The following WNT3 variants were observed in gnomAD, a reference collection of about 807,000 sequenced individuals.
WNT3 encodes the protein Wnt family member 3.
WNT3 carries 7 observed loss-of-function variants against 34.2 expected under a neutral mutation model. The observed-to-expected ratio is 0.20, with a 90% confidence interval of 0.12 to 0.38. WNT3 has a LOEUF of 0.38. Among genes scored for constraint, WNT3 ranks in the 10% least tolerant of loss-of-function variants. The pLI, the probability that WNT3 is intolerant of heterozygous loss-of-function variation, is 1.00. For synonymous variants in WNT3, 212 were observed against 211.5 expected (o/e 1.00, Z -0.02); for missense variants, 267 against 499.8 (o/e 0.53, Z 4.44).
chr17:46,769,092 G>A (rs999347004), intron 3 of WNT3, among the ~76,000 whole-genome samples: 85 of 152,318 alleles, frequency 5.6e-4, no homozygotes, highest in Middle Eastern at 3.4e-3. Flanking sequence ...TGAGGCGGGA[G>A]GATCACCTGA....
rs769876252 is a variant in WNT3 at position 46,818,568 on chromosome 17, G to A, written c.30C>T (p.Leu10=). 7 of 1,607,882 alleles carry A rather than the reference G, an allele frequency of 4.4e-6. No homozygotes were observed. Among genetic ancestry groups the A allele is most frequent in the Non-Finnish European group, 5.9e-6 (7 of 1,177,956 alleles). ...CCCTGGTGCCACCGAGCAGGAGGCC[G>A]AGGAGCAGCCCGAGCAGGTGGGGCT... The part of the protein sequence containing the change: MEPHLLGLL[L]GLLLGGTRVL... Residue 10 remains leucine (L), a synonymous_variant, in exon 1 of 5, where the codon CTC becomes CTT. Coordinates refer to ENST00000225512, the MANE Select transcript of WNT3 (RefSeq NM_030753.5).
intron 4 of WNT3, among the ~76,000 whole-genome samples, chr17:46,765,305 CACTCG>C (rs541254264): frequency 1.6e-3 from 246 of 152,346 alleles, no homozygotes; most frequent in African/African-American, 5.7e-3. Flanking sequence ...GCAGCCAGGC[CACTCG>C]ACTCTTGCCA....
chr17:46,778,997 C>T (rs888285023), intron 1 of WNT3, among the ~76,000 whole-genome samples: 4 of 149,114 alleles, frequency 2.7e-5, no homozygotes, highest in African/African-American at 1.0e-4. Context: ...GTCTCAGTCT[C>T]CAAGAAGAGA....
In WNT3 at chr17:46,775,252, A is replaced by G. The variant is rs564073603; in HGVS notation, c.81-1343T>C. Reference sequence around the variant, plus strand: ...CTCCTGGACTAGGAAACTGAGGTTTAGAGAGTGAATTAGCTTGCCTACGGC... The same window carrying G: ...CTCCTGGACTAGGAAACTGAGGTTTGGAGAGTGAATTAGCTTGCCTACGGC... On this transcript the variant is annotated intron_variant, in intron 1 of 4. Transcript: ENST00000225512. Among the ~76,000 whole-genome samples the G allele has an allele frequency of 3.3e-5, 5 of 152,366 alleles. No homozygotes were observed. In the South Asian group the frequency reaches 6.2e-4, roughly 19 times the overall value.
rs1473345603 is a variant in WNT3, at chr17:46,770,536, C to A, written c.323-488G>T. The stretch of plus-strand genomic sequence containing the variant: ...CCTGCCCAGGCCCACCCCTTCCGCA[C>A]GTGGATGCATAGGGACGGCCCCTCT... On this transcript the variant is annotated intron_variant, in intron 2 of 4. Transcript: ENST00000225512. 3.3e-5 allele frequency among the ~76,000 whole-genome samples: 5 copies of A among 152,136 alleles called. No homozygotes were observed. In the East Asian group the frequency reaches 9.7e-4, roughly 29 times the overall value.
intron 1 of WNT3, among the ~76,000 whole-genome samples, chr17:46,777,472 G>T (rs187469628): frequency 3.9e-4 from 59 of 152,350 alleles, no homozygotes; most frequent in African/African-American, 1.3e-3. Context: ...CTGCCTGCAT[G>T]GCTTGATTGG....
chr17:46,773,910 C>T lies in WNT3; in HGVS notation c.81-1G>A. On this transcript the variant is annotated splice_acceptor_variant, in intron 1 of 4. Transcript: ENST00000225512. LOFTEE classifies it high-confidence loss of function. ...GTACTGCTGGCCCAGGGCCAGGGAC[C>T]TGCAGGCAGACAGAGGGTAGTAACA... is the stretch of plus-strand genomic sequence containing the variant. 2 of 1,611,322 alleles carry T rather than the reference C, an allele frequency of 1.2e-6. No homozygotes were observed. Among genetic ancestry groups the T allele is most frequent in the Non-Finnish European group, 1.7e-6 (2 of 1,179,800 alleles).
chr17:46,772,365 C>A (rs1443379233), intron 2 of WNT3, among the ~76,000 whole-genome samples: 2 of 152,352 alleles, frequency 1.3e-5, no homozygotes, highest in East Asian at 1.9e-4. Context: ...GGTAGCGCTC[C>A]CAGAGCCGCT....
chr17:46,793,007 G>A (rs1248266327), intron 1 of WNT3, among the ~76,000 whole-genome samples: 2 of 151,776 alleles, frequency 1.3e-5, no homozygotes, highest in East Asian at 1.9e-4. Flanking sequence ...GCTCACACCT[G>A]TAAACCCGGC....
At chr17:46,806,320 C>T (rs2084196327) in intron 1 of WNT3, among the ~76,000 whole-genome samples, 1 of 144,694 alleles carries the variant, frequency 6.9e-6, no homozygotes, top group Non-Finnish European at 1.5e-5. Context: ...AGCGATTCTC[C>T]TTTCTCAGCC....
At chr17:46,806,004 A>G (rs1184989768) in intron 1 of WNT3, among the ~76,000 whole-genome samples, 49 of 152,142 alleles carry the variant, frequency 3.2e-4, no homozygotes, top group Non-Finnish European at 8.8e-5. Flanking sequence ...TGGGGATAAC[A>G]AGAGTCTCTG....
At chr17:46,807,246 G>A (rs1236984799) in intron 1 of WNT3, among the ~76,000 whole-genome samples, 1 of 152,248 alleles carries the variant, frequency 6.6e-6, no homozygotes, top group African/African-American at 2.4e-5. Flanking sequence ...ACTTTGGGAG[G>A]CCGAGGCAGG....
chr17:46,814,030 G>A (rs528472041), intron 1 of WNT3, among the ~76,000 whole-genome samples: 1 of 152,308 alleles, frequency 6.6e-6, no homozygotes, highest in East Asian at 1.9e-4. Context: ...TAAAGGACTT[G>A]GCACCAAAGT....
chr17:46,800,017 T>G (rs1006736312), intron 1 of WNT3, among the ~76,000 whole-genome samples: 1 of 151,810 alleles, frequency 6.6e-6, no homozygotes, highest in African/African-American at 2.4e-5. Context: ...GTGAGGGGAG[T>G]GCTGTCCCAG....
intron 4 of WNT3, among the ~76,000 whole-genome samples, chr17:46,765,494 G>A (rs957222973): frequency 2.6e-5 from 4 of 152,244 alleles, no homozygotes; most frequent in African/African-American, 9.6e-5. Flanking sequence ...TTTGACAGGC[G>A]CTCTCTCCTC....
intron 1 of WNT3, among the ~76,000 whole-genome samples, chr17:46,795,593 G>A (rs1326098207): frequency 6.6e-6 from 1 of 152,210 alleles, no homozygotes; most frequent in African/African-American, 2.4e-5. Context: ...AGCAACCACA[G>A]GTGTCCAGCC....
intron 1 of WNT3, among the ~76,000 whole-genome samples, chr17:46,811,110 G>T (rs1172551772): frequency 6.6e-6 from 1 of 152,058 alleles, no homozygotes; most frequent in East Asian, 1.9e-4. Flanking sequence ...GGCTGTACAG[G>T]CCAGGCTGCA....
At chr17:46,772,672 AG>A (rs1317308797) in intron 2 of WNT3, among the ~76,000 whole-genome samples, 1 of 152,244 alleles carries the variant, frequency 6.6e-6, no homozygotes, top group Non-Finnish European at 1.5e-5. Context: ...CCATGACAAT[AG>A]CCAGCACTTT....
rs537728145 is a variant in WNT3 at position 46,816,880 on chromosome 17, G to C, written c.80+1638C>G. Among the ~76,000 whole-genome samples, 3 of 152,330 alleles carry C rather than the reference G, an allele frequency of 2.0e-5. No individual in the cohort carries two copies. In the East Asian group the frequency reaches 5.8e-4, roughly 29 times the overall value. On this transcript the variant is annotated intron_variant, in intron 1 of 4. Coordinates refer to ENST00000225512, the MANE Select transcript of WNT3 (RefSeq NM_030753.5). ...GGCCCGGGAATGGGAAGAGGGTCAG[G>C]AATGGCCGGGTGAGGCTGGACTGGT...
Sources: gnomAD v4.1 joint callset for allele counts (sites outside exome capture counted in the v4.1 genomes callset) on GRCh38, gnomAD v4.1.1 for gene constraint, MANE v1.5 for transcripts, NCBI Gene and HGNC (gene_info 2026-07-23, HGNC 2026-07-21) for gene names.